Variants in PATJ observed in about 807,000 individuals in gnomAD.
PATJ encodes inaD-like protein.
Under a neutral mutation model 224.9 loss-of-function variants are expected in PATJ, and 190 were observed. The ratio of observed to expected loss-of-function variants is 0.84; its 90% CI spans 0.75 to 0.95. The LOEUF (loss-of-function observed/expected upper bound fraction) is 0.95, where lower values mean the gene tolerates loss of function less well. Among genes scored for constraint, PATJ ranks in the 40% least tolerant of loss-of-function variants. PATJ has a pLI of 0.00. For synonymous variants in PATJ, 769 were observed against 820.3 expected, an observed-to-expected ratio of 0.94 and a Z score of 1.07; for missense variants, 2,121 against 2,270.3, an observed-to-expected ratio of 0.93 and a Z score of 1.34.
intron 18 of PATJ, among the ~76,000 whole-genome samples, chr1:61,858,305 C>A (rs72674677): frequency 0.049 from 7,430 of 152,220 alleles, 383 homozygotes; most frequent in African/African-American, 0.13. Context: ...CTCCGTCATC[C>A]AAGCTGGACT....
chr1:61,938,984 G>C (rs1052031474), intron 27 of PATJ, among the ~76,000 whole-genome samples: 3 of 151,440 alleles, frequency 2.0e-5, no homozygotes, highest in African/African-American at 7.3e-5. Context: ...TTAGCCAGGC[G>C]TGGTGGCGGG....
chr1:61,892,768 G>A (rs1485778906), intron 22 of PATJ, among the ~76,000 whole-genome samples: 1 of 9,968 alleles, frequency 1.0e-4, no homozygotes, highest in Admixed American at 1.3e-3. Context: ...TGTCAATATC[G>A]CCCACCAGGG....
At chr1:61,789,561 C>T (rs941013865) in intron 8 of PATJ, among the ~76,000 whole-genome samples, 4 of 151,972 alleles carry the variant, frequency 2.6e-5, no homozygotes, top group Admixed American at 6.6e-5. Flanking sequence ...GCCTGTAATC[C>T]GAGCACTTTG....
chr1:61,755,178 G>A (rs1015832342), intron 1 of PATJ, among the ~76,000 whole-genome samples: 13 of 151,620 alleles, frequency 8.6e-5, no homozygotes, highest in African/African-American at 3.1e-4. Flanking sequence ...GCGTAGTGGC[G>A]GGTGCCTGTA....
rs527837441 is a variant in PATJ, at chr1:62,163,135, C to A, written c.*2081C>A. Reference sequence around the variant, plus strand: ...AATTATCTTTGAGTAGATGTAATCACAAAGTGCATTAACTCTTGTTGGAAT... The same window carrying A: ...AATTATCTTTGAGTAGATGTAATCAAAAAGTGCATTAACTCTTGTTGGAAT... On this transcript the variant is annotated 3_prime_UTR_variant, in exon 44 of 44. Coordinates refer to ENST00000642238, the MANE Select transcript of PATJ (RefSeq NM_001350145.3). 1 of 161,286 alleles carries A rather than the reference C, an allele frequency of 6.2e-6. No individual in the cohort carries two copies. Among genetic ancestry groups the A allele is most frequent in the Non-Finnish European group, 1.4e-5 (1 of 73,146 alleles). 10.0% of individuals were successfully genotyped at this position (161,286 alleles called of 1,614,324 possible). A position where few individuals can be genotyped will look rare whatever the true frequency, so the allele number is the denominator to read the frequency against.
chr1:61,832,888 T>C (rs1659581927), intron 16 of PATJ, among the ~76,000 whole-genome samples: 1 of 152,220 alleles, frequency 6.6e-6, no homozygotes, highest in Admixed American at 6.5e-5. Context: ...AGTAGATTCA[T>C]TGACCCTCTC....
intron 27 of PATJ, among the ~76,000 whole-genome samples, chr1:61,955,702 A>G (rs1469140049): frequency 6.6e-6 from 1 of 152,206 alleles, no homozygotes; most frequent in East Asian, 1.9e-4. Flanking sequence ...AATGCCTTAC[A>G]CACATTGTTT....
intron 41 of PATJ, among the ~76,000 whole-genome samples, chr1:62,131,549 A>G (rs763126849): frequency 3.9e-4 from 60 of 152,152 alleles, no homozygotes; most frequent in Non-Finnish European, 7.1e-4. Flanking sequence ...TCAGGAGGCT[A>G]AGGCAGGAGA....
intron 27 of PATJ, among the ~76,000 whole-genome samples, chr1:61,976,792 C>T (rs1387929482): frequency 2.0e-5 from 3 of 152,012 alleles, no homozygotes; most frequent in African/African-American, 7.3e-5. Flanking sequence ...TATGTTCTCC[C>T]AGGTTCAGTA....
chr1:61,993,707 T>TAACCC (rs1461326568), intron 28 of PATJ, among the ~76,000 whole-genome samples: 1 of 152,010 alleles, frequency 6.6e-6, no homozygotes, highest in Non-Finnish European at 1.5e-5. Flanking sequence ...TTCCAAGGGT[T>TAACCC]TTAGGAGCTC....
intron 29 of PATJ, among the ~76,000 whole-genome samples, chr1:62,022,704 A>G (rs1647156785): frequency 6.6e-6 from 1 of 152,214 alleles, no homozygotes; most frequent in Admixed American, 6.5e-5. Flanking sequence ...TTACATGTGG[A>G]AAATGTGTAC....
chr1:61,759,174 A>G (rs1367740441), intron 1 of PATJ, among the ~76,000 whole-genome samples: 1 of 152,152 alleles, frequency 6.6e-6, no homozygotes, highest in East Asian at 1.9e-4. Context: ...CAAATTCATA[A>G]ACTTTCTTAA....
intron 14 of PATJ, among the ~76,000 whole-genome samples, chr1:61,812,692 T>C (rs368355276): frequency 1.3e-5 from 2 of 151,792 alleles, no homozygotes; most frequent in East Asian, 3.9e-4. Flanking sequence ...CTCCTAAAAA[T>C]ACAAAAATTA....
chr1:62,012,911 T>A (rs955694982), intron 28 of PATJ, among the ~76,000 whole-genome samples: 1 of 152,234 alleles, frequency 6.6e-6, no homozygotes, highest in Non-Finnish European at 1.5e-5. Context: ...TCCAGTTGAA[T>A]CAAGGTTCAC....
chr1:62,082,932 C>A (rs1402493938), intron 32 of PATJ, among the ~76,000 whole-genome samples: 1 of 152,064 alleles, frequency 6.6e-6, no homozygotes. Context: ...GCAGATGGAG[C>A]CCTCTCTCAT....
At chr1:61,982,661 G>A (rs571219142) in intron 27 of PATJ, among the ~76,000 whole-genome samples, 1 of 150,042 alleles carries the variant, frequency 6.7e-6, no homozygotes, top group Non-Finnish European at 1.5e-5. Flanking sequence ...TGATATTGGA[G>A]AATTTTATAC....
Position 61,877,456 on chromosome 1 carries a change from A to G in PATJ, c.2959+2090A>G, listed in dbSNP as rs150637931. On this transcript the variant is annotated intron_variant, in intron 21 of 43. Coordinates refer to ENST00000642238, the MANE Select transcript of PATJ (RefSeq NM_001350145.3). ...TGTCCCCACTCAAATCTCATGTTGA[A>G]TCATAATTCCTAGTATTGGGGAAGG... 2.6e-5 allele frequency among the ~76,000 whole-genome samples: 4 copies of G among 152,100 alleles called. No individual in the cohort carries two copies. In the East Asian group the frequency reaches 7.8e-4, roughly 29 times the overall value.
chr1:61,857,857 T>C (rs1196714883), intron 18 of PATJ, among the ~76,000 whole-genome samples: 1 of 152,192 alleles, frequency 6.6e-6, no homozygotes, highest in Admixed American at 6.5e-5. Flanking sequence ...TCTAAGCCTA[T>C]TTTTTTCATC....
chr1:62,053,049 C>T (rs17123026), intron 31 of PATJ, among the ~76,000 whole-genome samples: 2,755 of 152,268 alleles, frequency 0.018, 94 homozygotes, highest in African/African-American at 0.062. Flanking sequence ...GTAGTCCCAG[C>T]CAGGCTCATG....
Sources: gnomAD v4.1 joint callset for allele counts (sites outside exome capture counted in the v4.1 genomes callset) on GRCh38, gnomAD v4.1.1 for gene constraint, MANE v1.5 for transcripts, NCBI Gene and HGNC (gene_info 2026-07-23, HGNC 2026-07-21) for gene names.